Variants in NCEH1 observed in about 807,000 individuals in gnomAD.
NCEH1 encodes the protein 2-acetyl MAGE hydrolase.
In NCEH1, 9 loss-of-function variants were observed where a neutral mutation model predicts 25.4. The observed-to-expected ratio is 0.35, with a 90% CI of 0.21 to 0.62. The LOEUF is 0.62. Among genes scored for constraint, NCEH1 ranks in the 20% least tolerant of loss-of-function variants. NCEH1 has a pLI of 0.72. For missense variants in NCEH1, 412 were observed against 501.1 expected, an observed-to-expected ratio of 0.82 and a Z score of 1.70; for synonymous variants, 200 against 199.8, an observed-to-expected ratio of 1.00 and a Z score of -0.01.
intron 1 of NCEH1, among the ~76,000 whole-genome samples, chr3:172,695,501 C>A (rs1423861393): frequency 1.3e-5 from 2 of 152,208 alleles, no homozygotes; most frequent in African/African-American, 4.8e-5. Context: ...AGAATTTTGA[C>A]TCTGCCACTT....
chr3:172,659,435 G>A (rs1328402053), intron 1 of NCEH1, among the ~76,000 whole-genome samples: 2 of 152,278 alleles, frequency 1.3e-5, no homozygotes, highest in East Asian at 1.9e-4. Flanking sequence ...CACAAGATGT[G>A]TTGACTCAAA....
At chr3:172,695,947 AAAAT>A (rs914607006) in intron 1 of NCEH1, among the ~76,000 whole-genome samples, 14 of 152,218 alleles carry the variant, frequency 9.2e-5, no homozygotes, top group South Asian at 6.2e-4. Context: ...CTGTCTCAAA[AAAAT>A]AAATAAATAA....
chr3:172,663,998 A>G (rs1001661142), intron 1 of NCEH1, among the ~76,000 whole-genome samples: 5 of 152,204 alleles, frequency 3.3e-5, no homozygotes, highest in Non-Finnish European at 7.3e-5. Context: ...TGATCCTGTC[A>G]TTATGATATT....
intron 1 of NCEH1, among the ~76,000 whole-genome samples, chr3:172,659,049 C>T (rs1198198865): frequency 6.6e-6 from 1 of 151,906 alleles, no homozygotes; most frequent in Non-Finnish European, 1.5e-5. Context: ...CAGTGAATCA[C>T]CCAAGGTCAC....
intron 1 of NCEH1, among the ~76,000 whole-genome samples, chr3:172,692,577 C>G (rs1713131522): frequency 6.6e-6 from 1 of 151,708 alleles, no homozygotes; most frequent in Non-Finnish European, 1.5e-5. Context: ...GTTGCCCAGG[C>G]TGGTCTCAAA....
At chr3:172,701,226 A>T (rs966510761) in intron 1 of NCEH1, among the ~76,000 whole-genome samples, 1 of 152,038 alleles carries the variant, frequency 6.6e-6, no homozygotes, top group South Asian at 2.1e-4. Flanking sequence ...CCCAAACTCT[A>T]TATCTTCACC....
rs768552737 is a variant in NCEH1 at position 172,710,977 on chromosome 3, G to T, written c.8C>A (p.Ser3Ter). The change falls in exon 1 of 5, where the codon TCG (serine) becomes TAG (stop). Residue 3 changes from serine (S) to a stop codon, truncating the protein, a stop_gained. Coordinates refer to ENST00000475381, the MANE Select transcript of NCEH1 (RefSeq NM_020792.6). LOFTEE classifies it high-confidence loss of function. ...CAGGGCGGTGAGCAGGACACAGGAC[G>T]ACCTCATCTTGCCCTGGCTCGGCTC... The part of the protein sequence containing the change: MR[S>*]SCVLLTALVA... 1 of 1,614,094 alleles carries T rather than the reference G, an allele frequency of 6.2e-7. No individual in the cohort carries two copies. Among genetic ancestry groups the T allele is most frequent in the Non-Finnish European group, 8.5e-7 (1 of 1,180,014 alleles).
intron 2 of NCEH1, among the ~76,000 whole-genome samples, chr3:172,647,174 G>T (rs1717157951): frequency 6.6e-6 from 1 of 152,090 alleles, no homozygotes; most frequent in South Asian, 2.1e-4. Flanking sequence ...TTAAACTAAG[G>T]GGATGCCAAA....
chr3:172,684,393 A>C (rs1285124092), intron 1 of NCEH1, among the ~76,000 whole-genome samples: 1 of 152,234 alleles, frequency 6.6e-6, no homozygotes, highest in Non-Finnish European at 1.5e-5. Flanking sequence ...AATACCCAAG[A>C]AGAAAACCTA....
chr3:172,650,369 T>C (rs532657247), intron 1 of NCEH1, among the ~76,000 whole-genome samples: 59 of 151,284 alleles, frequency 3.9e-4, no homozygotes, highest in Non-Finnish European at 7.4e-4. Context: ...TGGGACCGGG[T>C]GCGGTGGCTC....
intron 1 of NCEH1, among the ~76,000 whole-genome samples, chr3:172,706,010 CA>C (rs35383888): frequency 0.028 from 2,937 of 103,768 alleles, 34 homozygotes; most frequent in South Asian, 0.049. Context: ...CAACAACAAC[CA>C]AAAAAAAAAA....
intron 1 of NCEH1, among the ~76,000 whole-genome samples, chr3:172,675,462 G>C (rs1381302732): frequency 6.6e-6 from 1 of 151,224 alleles, no homozygotes; most frequent in Non-Finnish European, 1.5e-5. Flanking sequence ...AAAGGATTTT[G>C]TATGGTAAAT....
intron 1 of NCEH1, among the ~76,000 whole-genome samples, chr3:172,651,617 G>A (rs1717409440): frequency 6.6e-6 from 1 of 151,622 alleles, no homozygotes; most frequent in Non-Finnish European, 1.5e-5. Context: ...GGAATGCAGT[G>A]GTGTGATCTC....
Position 172,633,754 on chromosome 3 carries a change from A to C in NCEH1, c.948T>G (p.Leu316=). 6.2e-7 allele frequency: 1 copy of C among 1,614,200 alleles called. No individual in the cohort carries two copies. Among genetic ancestry groups the C allele is most frequent in the Non-Finnish European group, 8.5e-7 (1 of 1,180,030 alleles). The part of the protein sequence containing the change: ...TTGNARIVQE[L]PQLLDARSAP... Reference sequence around the variant, plus strand: ...CGGAGCGGGCATCCAGCAACTGAGGAAGCTCCTGGACAATCCTGGCATTGC... The same window carrying C: ...CGGAGCGGGCATCCAGCAACTGAGGCAGCTCCTGGACAATCCTGGCATTGC... Residue 316 remains leucine (L), a synonymous_variant, in exon 5 of 5, where the codon CTT becomes CTG. Coordinates refer to ENST00000475381, the MANE Select transcript of NCEH1 (RefSeq NM_020792.6).
intron 1 of NCEH1, among the ~76,000 whole-genome samples, chr3:172,662,767 T>C (rs527583300): frequency 5.2e-4 from 79 of 152,368 alleles, no homozygotes; most frequent in African/African-American, 1.8e-3. Context: ...GTGTTCATAA[T>C]ATTCTCTGAT....
At chr3:172,663,789 CT>C (rs979035767) in intron 1 of NCEH1, among the ~76,000 whole-genome samples, 5 of 152,010 alleles carry the variant, frequency 3.3e-5, no homozygotes, top group Middle Eastern at 3.4e-3. Context: ...GCAACCCCTG[CT>C]TTTTTTTGTT....
At chr3:172,664,338 C>T (rs758515551) in intron 1 of NCEH1, among the ~76,000 whole-genome samples, 6 of 152,214 alleles carry the variant, frequency 3.9e-5, no homozygotes, top group South Asian at 4.1e-4. Flanking sequence ...CACTATTGGT[C>T]GGATGGGCTT....
chr3:172,687,595 G>A (rs1030235312), intron 1 of NCEH1, among the ~76,000 whole-genome samples: 1 of 152,226 alleles, frequency 6.6e-6, no homozygotes, highest in African/African-American at 2.4e-5. Context: ...TAAAACAGGT[G>A]TAATATCAGG....
chr3:172,635,976 G>C lies in NCEH1; in HGVS notation c.549C>G (p.Gly183=). Reference sequence around the variant, plus strand: ...CACTGTCACCAGAAATGCAAATTCTGCCTGGATCAACCATATACTTCTGTA... The same window carrying C: ...CACTGTCACCAGAAATGCAAATTCTCCCTGGATCAACCATATACTTCTGTA... ...EVLQKYMVDP[G]RICISGDSAG... Residue 183 remains glycine (G), a synonymous_variant, in exon 4 of 5, where the codon GGC becomes GGG. Coordinates refer to ENST00000475381, the MANE Select transcript of NCEH1 (RefSeq NM_020792.6). 1 of 1,614,198 alleles carries C rather than the reference G, an allele frequency of 6.2e-7. No homozygotes were observed. Among genetic ancestry groups the C allele is most frequent in the Non-Finnish European group, 8.5e-7 (1 of 1,180,022 alleles).
Sources: allele counts gnomAD v4.1 joint callset (sites outside exome capture counted in the v4.1 genomes callset), GRCh38; gene constraint gnomAD v4.1.1; transcripts MANE v1.5; gene names NCBI Gene and HGNC (gene_info 2026-07-23, HGNC 2026-07-21).